The following NKAIN2 variants were observed in gnomAD, a reference collection of about 807,000 sequenced individuals.
NKAIN2 encodes sodium/potassium transporting ATPase interacting 2.
Under a neutral mutation model 32.6 loss-of-function variants are expected in NKAIN2, and 14 were observed. The ratio of observed to expected loss-of-function variants is 0.43; its 90% confidence interval spans 0.28 to 0.67. NKAIN2 has a LOEUF of 0.67. NKAIN2 is among the 30% of genes least tolerant of loss of function. NKAIN2 has a pLI of 0.17. For synonymous variants in NKAIN2, 80 were observed against 87.2 expected (o/e 0.92, Z 0.46); for missense variants, 198 against 258.3 (o/e 0.77, Z 1.60).
chr6:124,472,539 A>G (rs934390559), intron 3 of NKAIN2, among the ~76,000 whole-genome samples: 1 of 152,086 alleles, frequency 6.6e-6, no homozygotes, highest in Non-Finnish European at 1.5e-5. Context: ...GGGGAGGAAG[A>G]ATTTCAGGAC....
chr6:124,006,731 T>G (rs4478419), intron 1 of NKAIN2, among the ~76,000 whole-genome samples: 48,936 of 151,994 alleles, frequency 0.32, 7,931 homozygotes, highest in East Asian at 0.39. Flanking sequence ...CTCTGGTGGT[T>G]GTTTGCAGAA....
chr6:124,147,193 A>G (rs1204075009), intron 1 of NKAIN2, among the ~76,000 whole-genome samples: 1 of 152,128 alleles, frequency 6.6e-6, no homozygotes, highest in Non-Finnish European at 1.5e-5. Flanking sequence ...CTTTTAGAAA[A>G]TATTCTGATT....
chr6:124,609,847 C>T (rs1782628946), intron 3 of NKAIN2, among the ~76,000 whole-genome samples: 2 of 152,084 alleles, frequency 1.3e-5, no homozygotes, highest in African/African-American at 4.8e-5. Flanking sequence ...CCTGAATTTG[C>T]TCTCTATTGT....
chr6:124,316,586 T>C (rs1267235916), intron 2 of NKAIN2, among the ~76,000 whole-genome samples: 1 of 152,058 alleles, frequency 6.6e-6, no homozygotes, highest in Non-Finnish European at 1.5e-5. Context: ...TAAAAATAAA[T>C]GAAAGTTGAA....
intron 1 of NKAIN2, among the ~76,000 whole-genome samples, chr6:124,097,679 TCAAAA>T (rs1449472385): frequency 1.3e-5 from 2 of 152,170 alleles, no homozygotes; most frequent in African/African-American, 4.8e-5. Flanking sequence ...TGGCTAAACT[TCAAAA>T]CAAATGAGAA....
At chr6:124,347,149 G>A (rs1452102159) in intron 2 of NKAIN2, among the ~76,000 whole-genome samples, 3 of 152,186 alleles carry the variant, frequency 2.0e-5, no homozygotes, top group African/African-American at 4.8e-5. Context: ...CTTTAAGAAT[G>A]TTGAATATTG....
intron 2 of NKAIN2, among the ~76,000 whole-genome samples, chr6:124,314,875 G>A (rs1465409024): frequency 6.6e-6 from 1 of 152,070 alleles, no homozygotes; most frequent in Non-Finnish European, 1.5e-5. Context: ...AGGATAAGTT[G>A]TTTCTGTTTG....
intron 3 of NKAIN2, among the ~76,000 whole-genome samples, chr6:124,497,632 A>G (rs1490628329): frequency 1.3e-5 from 2 of 152,094 alleles, no homozygotes; most frequent in Non-Finnish European, 2.9e-5. Flanking sequence ...TAGAAAGGAC[A>G]TATAGCCTAT....
intron 4 of NKAIN2, among the ~76,000 whole-genome samples, chr6:124,733,167 G>A (rs1776770398): frequency 6.6e-6 from 1 of 151,920 alleles, no homozygotes; most frequent in Non-Finnish European, 1.5e-5. Flanking sequence ...GTGAGGAGAG[G>A]AAGGTTGAGT....
chr6:124,029,969 C>T (rs904125464), intron 1 of NKAIN2, among the ~76,000 whole-genome samples: 1 of 152,022 alleles, frequency 6.6e-6, no homozygotes, highest in Non-Finnish European at 1.5e-5. Flanking sequence ...CACCTGTAAT[C>T]CCAGCACTTT....
At chr6:124,801,685 C>G (rs551913556) in intron 5 of NKAIN2, among the ~76,000 whole-genome samples, 28 of 152,242 alleles carry the variant, frequency 1.8e-4, no homozygotes, top group African/African-American at 6.7e-4. Flanking sequence ...AGAGAAATTA[C>G]AGTAAATCTT....
At chr6:124,255,913 G>C (rs566247259) in intron 1 of NKAIN2, among the ~76,000 whole-genome samples, 3 of 152,230 alleles carry the variant, frequency 2.0e-5, no homozygotes, top group East Asian at 3.9e-4. Flanking sequence ...TTGGGGCATC[G>C]TTTCCTTTCT....
At chr6:123,875,824 A>T (rs1006591602) in intron 1 of NKAIN2, among the ~76,000 whole-genome samples, 23 of 152,038 alleles carry the variant, frequency 1.5e-4, no homozygotes, top group Non-Finnish European at 3.1e-4. Context: ...TATAATTTTT[A>T]TTAAACTTCC....
intron 3 of NKAIN2, among the ~76,000 whole-genome samples, chr6:124,391,549 G>A (rs1171541656): frequency 6.6e-6 from 1 of 152,048 alleles, no homozygotes; most frequent in Admixed American, 6.6e-5. Context: ...TTCTGAGATC[G>A]CTTCTGCTTC....
chr6:124,739,815 C>T (rs1777117480), intron 4 of NKAIN2, among the ~76,000 whole-genome samples: 1 of 151,870 alleles, frequency 6.6e-6, no homozygotes, highest in East Asian at 1.9e-4. Context: ...GTTCCTGCTT[C>T]CTTTTATCCT....
chr6:124,343,856 T>C (rs1798266979), intron 2 of NKAIN2, among the ~76,000 whole-genome samples: 1 of 138,972 alleles, frequency 7.2e-6, no homozygotes. Flanking sequence ...TTTGTCAATT[T>C]TGGCTTTTGT....
At chr6:123,998,178 A>G (rs1020993152) in intron 1 of NKAIN2, among the ~76,000 whole-genome samples, 9 of 152,180 alleles carry the variant, frequency 5.9e-5, no homozygotes, top group Admixed American at 5.2e-4. Flanking sequence ...ATCAAAATAT[A>G]TAACTCAGAA....
At chr6:124,252,727 A>G (rs1354594527) in intron 1 of NKAIN2, among the ~76,000 whole-genome samples, 1 of 152,102 alleles carries the variant, frequency 6.6e-6, no homozygotes, top group African/African-American at 2.4e-5. Context: ...CTTCAGTGTG[A>G]TGGTTAAAAA....
At chr6:124,298,049 T>G (rs1038730791) in intron 2 of NKAIN2, among the ~76,000 whole-genome samples, 1 of 152,194 alleles carries the variant, frequency 6.6e-6, no homozygotes, top group Admixed American at 6.5e-5. Context: ...CTCTCAAATG[T>G]TATCTATTAT....
Sources: allele counts gnomAD v4.1 joint callset (sites outside exome capture counted in the v4.1 genomes callset), GRCh38; gene constraint gnomAD v4.1.1; transcripts MANE v1.5; gene names NCBI Gene and HGNC (gene_info 2026-07-23, HGNC 2026-07-21).